COL26A1: variants seen among roughly 807,000 people sequenced by gnomAD.
COL26A1 encodes collagen alpha-1(XXVI) chain.
A neutral mutation model predicts 59.3 loss-of-function variants in COL26A1; 41 were observed. That is an observed-to-expected ratio of 0.69 (90% CI 0.54 to 0.90). The LOEUF (loss-of-function observed/expected upper bound fraction) is 0.90, where lower values mean the gene tolerates loss of function less well. Ranked by LOEUF, COL26A1 falls within the 40% of genes least tolerant of loss-of-function variation. The probability of loss-of-function intolerance (pLI) is 0.00; values close to 1 mark genes in which losing one functional copy is unlikely to be tolerated. For synonymous variants in COL26A1, 266 were observed against 256.0 expected (o/e 1.04, Z -0.37); for missense variants, 612 against 602.3 (o/e 1.02, Z -0.17).
In COL26A1 at chr7:101,544,135, C is replaced by A. The variant is rs746326975; in HGVS notation, c.703+39C>A. The A allele has an allele frequency of 1.7e-5, 26 of 1,485,736 alleles. No homozygotes were observed. In the Admixed American group the frequency reaches 2.9e-4, roughly 16 times the overall value. The allele number at this position is 1,485,736 out of a possible 1,614,324, so 92.0% of individuals were successfully genotyped here. On this transcript the variant is annotated intron_variant, in intron 6 of 12. Coordinates refer to ENST00000313669, the MANE Select transcript of COL26A1 (RefSeq NM_001278563.3). ...CCACATATGTGATGTTGTCAACCTG[C>A]GGAAGGGGCTGGGCTTTCTTCTCTA...
intron 3 of COL26A1, among the ~76,000 whole-genome samples, chr7:101,475,814 TTCTTTCTCTCTCTTTCTC>T (rs1794023187): frequency 2.0e-5 from 3 of 147,996 alleles, no homozygotes; most frequent in African/African-American, 7.7e-5. Context: ...CCTTCTTTCT[TTCTTTCTCTCTCTTTCTC>T]TCTCTCTCTT....
chr7:101,528,274 C>T (rs75839421), intron 3 of COL26A1, among the ~76,000 whole-genome samples: 5,811 of 152,310 alleles, frequency 0.038, 157 homozygotes, highest in Middle Eastern at 0.092. Context: ...CCCCTCCATC[C>T]GCTGAACTTC....
At chr7:101,537,592 C>T (rs116978530) in intron 4 of COL26A1, among the ~76,000 whole-genome samples, 7,091 of 152,254 alleles carry the variant, frequency 0.047, 252 homozygotes, top group Admixed American at 0.076. Flanking sequence ...AACCAGGGCT[C>T]CTCTGCCCAG....
Position 101,549,179 on chromosome 7 carries a change from G to C in COL26A1, c.949G>C (p.Gly317Arg). 2 of 1,598,564 alleles carry C rather than the reference G, an allele frequency of 1.3e-6. No homozygotes were observed. Among genetic ancestry groups the C allele is most frequent in the Non-Finnish European group, 1.7e-6 (2 of 1,172,876 alleles). Residue 317 changes from glycine to arginine, a missense_variant, in exon 9 of 13, where the codon GGG (glycine) becomes CGG (arginine). Coordinates refer to ENST00000313669, the MANE Select transcript of COL26A1 (RefSeq NM_001278563.3). Reference protein sequence around the residue: ...RGPPGPPGPPGPRGPPGPPGT... With the variant: ...RGPPGPPGPPRPRGPPGPPGT... ...TGTGACTCTGCCCACAGGTCCCCCT[G>C]GGCCTCGAGGTCCCCCAGGACCCCC...
chr7:101,515,366 C>T (rs1339333475), intron 3 of COL26A1, among the ~76,000 whole-genome samples: 1 of 151,562 alleles, frequency 6.6e-6, no homozygotes, highest in Non-Finnish European at 1.5e-5. Flanking sequence ...CTCGCTGCAA[C>T]CTACAACTTC....
chr7:101,419,715 C>T (rs756880648), intron 1 of COL26A1, among the ~76,000 whole-genome samples: 11 of 152,342 alleles, frequency 7.2e-5, no homozygotes, highest in South Asian at 4.1e-4. Flanking sequence ...GAGATTTCCA[C>T]GGGCAGGGCT....
At chr7:101,364,469 G>A (rs1292164113) in intron 1 of COL26A1, among the ~76,000 whole-genome samples, 1 of 151,700 alleles carries the variant, frequency 6.6e-6, no homozygotes, top group East Asian at 1.9e-4. Flanking sequence ...ACAACCCTAG[G>A]GTTAAAACAT....
At chr7:101,548,812 T>C (rs1298457563) in intron 8 of COL26A1, among the ~76,000 whole-genome samples, 1 of 151,818 alleles carries the variant, frequency 6.6e-6, no homozygotes, top group African/African-American at 2.4e-5. Flanking sequence ...GAGGGATGGG[T>C]CCCAGGTCCC....
At position 101,557,565 on chromosome 7, in the gene COL26A1, G is replaced by C. The variant is rs1482552425; in HGVS notation, c.*35G>C. On this transcript the variant is annotated 3_prime_UTR_variant, in exon 13 of 13. Coordinates refer to ENST00000313669, the MANE Select transcript of COL26A1 (RefSeq NM_001278563.3). Reference sequence around the variant, plus strand: ...GCTCCAGGACACCCTGTCCTGGCTAGAGACCCAGCCCCAGAGGCCTGAGCC... The same window carrying C: ...GCTCCAGGACACCCTGTCCTGGCTACAGACCCAGCCCCAGAGGCCTGAGCC... The C allele has an allele frequency of 2.5e-6, 4 of 1,571,354 alleles. No individual in the cohort carries two copies. The highest frequency in any genetic ancestry group is 3.5e-5 in the Admixed American group (2 of 57,186).
intron 1 of COL26A1, among the ~76,000 whole-genome samples, chr7:101,378,877 C>T (rs1791382093): frequency 6.6e-6 from 1 of 151,968 alleles, no homozygotes; most frequent in Non-Finnish European, 1.5e-5. Context: ...TTTCTTTTCC[C>T]CGGGGAGTTG....
intron 3 of COL26A1, among the ~76,000 whole-genome samples, chr7:101,492,672 G>A (rs1218606628): frequency 2.0e-5 from 3 of 150,454 alleles, no homozygotes; most frequent in East Asian, 3.9e-4. Context: ...ACTCCAGCCC[G>A]GGCAACAGAG....
chr7:101,379,305 C>G (rs1025620430), intron 1 of COL26A1, among the ~76,000 whole-genome samples: 11 of 152,168 alleles, frequency 7.2e-5, no homozygotes, highest in Non-Finnish European at 1.6e-4. Context: ...ACGCTTCACA[C>G]AGGGACTCTG....
chr7:101,377,266 C>T (rs1168866210), intron 1 of COL26A1, among the ~76,000 whole-genome samples: 1 of 151,896 alleles, frequency 6.6e-6, no homozygotes, highest in Non-Finnish European at 1.5e-5. Flanking sequence ...CCTTGGCATC[C>T]CAAAGTGCTG....
chr7:101,463,805 C>T (rs1352708720), intron 3 of COL26A1, among the ~76,000 whole-genome samples: 1 of 72,914 alleles, frequency 1.4e-5, no homozygotes, highest in African/African-American at 5.7e-5. Context: ...TTCTCTCTCT[C>T]TTTCTTCCCT....
intron 3 of COL26A1, among the ~76,000 whole-genome samples, chr7:101,450,232 G>C (rs1318298784): frequency 6.6e-6 from 1 of 152,044 alleles, no homozygotes; most frequent in African/African-American, 2.4e-5. Flanking sequence ...TCGCCTCCCA[G>C]TGGAGTTGTG....
At chr7:101,365,701 G>C (rs902197758) in intron 1 of COL26A1, among the ~76,000 whole-genome samples, 1 of 152,118 alleles carries the variant, frequency 6.6e-6, no homozygotes, top group African/African-American at 2.4e-5. Context: ...TGGGATCACA[G>C]GCATGAGCCA....
intron 2 of COL26A1, among the ~76,000 whole-genome samples, chr7:101,445,461 G>A (rs1382687518): frequency 6.6e-6 from 1 of 151,696 alleles, no homozygotes; most frequent in Non-Finnish European, 1.5e-5. Flanking sequence ...GCCGGGCGCG[G>A]TGGCTCACGC....
At chr7:101,401,510 G>A (rs998731722) in intron 1 of COL26A1, among the ~76,000 whole-genome samples, 2 of 147,990 alleles carry the variant, frequency 1.4e-5, no homozygotes, top group African/African-American at 2.6e-5. Flanking sequence ...GGAAGAGGAG[G>A]GGGAGCAGGA....
At chr7:101,363,890 G>T (rs1478086507) in intron 1 of COL26A1, among the ~76,000 whole-genome samples, 1 of 152,106 alleles carries the variant, frequency 6.6e-6, no homozygotes, top group East Asian at 1.9e-4. Context: ...TCGCGTCCCG[G>T]GCACCCCTCT....
Sources: allele counts gnomAD v4.1 joint callset (sites outside exome capture counted in the v4.1 genomes callset), GRCh38; gene constraint gnomAD v4.1.1; transcripts MANE v1.5; gene names NCBI Gene and HGNC (gene_info 2026-07-23, HGNC 2026-07-21).